FHIT: variants seen among roughly 807,000 people sequenced by gnomAD.
FHIT encodes the protein bis(5'-adenosyl)-triphosphatase.
Under a neutral mutation model 17.9 loss-of-function variants are expected in FHIT, and 19 were observed. The ratio of observed to expected loss-of-function variants is 1.06; its 90% confidence interval spans 0.74 to 1.56. The LOEUF is 1.56. Among genes scored for constraint, FHIT ranks in the 40% most tolerant of loss-of-function variants. The pLI is 0.00. For missense variants in FHIT, 248 were observed against 189.2 expected (o/e 1.31, Z -1.82); for synonymous variants, 81 against 69.7 (o/e 1.16, Z -0.81).
chr3:59,975,904 T>G (rs551501510), intron 7 of FHIT, among the ~76,000 whole-genome samples: 1 of 152,180 alleles, frequency 6.6e-6, no homozygotes, highest in East Asian at 1.9e-4. Context: ...TGGCTCCACT[T>G]CCTTTACCGT....
At chr3:60,175,862 C>T (rs144227010) in intron 5 of FHIT, among the ~76,000 whole-genome samples, 1 of 152,088 alleles carries the variant, frequency 6.6e-6, no homozygotes, top group East Asian at 1.9e-4. Flanking sequence ...TAGTACAACC[C>T]ATAGAAACCA....
At chr3:59,919,877 T>G (rs1705320095) in intron 8 of FHIT, among the ~76,000 whole-genome samples, 2 of 152,254 alleles carry the variant, frequency 1.3e-5, no homozygotes, top group African/African-American at 4.8e-5. Context: ...CATTAAGTTC[T>G]ATTCCAATAA....
chr3:60,442,062 G>A (rs1372761595), intron 5 of FHIT, among the ~76,000 whole-genome samples: 2 of 151,288 alleles, frequency 1.3e-5, no homozygotes, highest in African/African-American at 4.9e-5. Context: ...ATCTCACTGT[G>A]TTCCCTGTGA....
intron 5 of FHIT, among the ~76,000 whole-genome samples, chr3:60,335,617 C>A (rs940446223): frequency 3.3e-5 from 5 of 152,108 alleles, no homozygotes; most frequent in African/African-American, 1.2e-4. Context: ...ACAGGGTTAG[C>A]CCAAATCGGG....
At chr3:59,954,873 G>A (rs910699793) in intron 7 of FHIT, among the ~76,000 whole-genome samples, 3 of 152,168 alleles carry the variant, frequency 2.0e-5, no homozygotes, top group South Asian at 4.1e-4. Flanking sequence ...GAAATGAGAT[G>A]AGAACTCAGA....
At chr3:61,039,497 T>C (rs1330317885) in intron 3 of FHIT, among the ~76,000 whole-genome samples, 1 of 152,160 alleles carries the variant, frequency 6.6e-6, no homozygotes, top group African/African-American at 2.4e-5. Context: ...ATGTGGCACA[T>C]ATACACCATA....
intron 7 of FHIT, among the ~76,000 whole-genome samples, chr3:60,006,229 TTC>T (rs1357368700): frequency 6.6e-6 from 1 of 152,208 alleles, no homozygotes; most frequent in Non-Finnish European, 1.5e-5. Context: ...TTTCTGAATT[TTC>T]AAAGTGTCAT....
At chr3:61,143,541 A>G (rs1013031074) in intron 2 of FHIT, among the ~76,000 whole-genome samples, 5 of 152,144 alleles carry the variant, frequency 3.3e-5, no homozygotes, top group Non-Finnish European at 4.4e-5. Flanking sequence ...GTTATTTAGC[A>G]TTCAGATGTG....
intron 5 of FHIT, among the ~76,000 whole-genome samples, chr3:60,351,649 T>C (rs1388002993): frequency 1.3e-5 from 2 of 152,340 alleles, no homozygotes; most frequent in African/African-American, 4.8e-5. Context: ...ACCACCATGA[T>C]GTGGTGAGGA....
At chr3:60,111,765 CTT>C (rs1294131027) in intron 5 of FHIT, among the ~76,000 whole-genome samples, 1 of 152,182 alleles carries the variant, frequency 6.6e-6, no homozygotes, top group African/African-American at 2.4e-5. Flanking sequence ...TAGACTAGCT[CTT>C]GTCCTACCTC....
At chr3:60,021,323 T>C (rs1700546493) in intron 5 of FHIT, among the ~76,000 whole-genome samples, 1 of 152,156 alleles carries the variant, frequency 6.6e-6, no homozygotes, top group African/African-American at 2.4e-5. Context: ...ATCTGGATGC[T>C]CAAAAGTAAG....
intron 5 of FHIT, among the ~76,000 whole-genome samples, chr3:60,519,520 T>A (rs1372430413): frequency 6.6e-6 from 1 of 152,204 alleles, no homozygotes; most frequent in Non-Finnish European, 1.5e-5. Context: ...GCCTTACCAA[T>A]AAACACTTGA....
intron 3 of FHIT, among the ~76,000 whole-genome samples, chr3:60,855,735 G>A (rs1057512684): frequency 2.0e-5 from 3 of 152,032 alleles, no homozygotes; most frequent in Non-Finnish European, 4.4e-5. Context: ...ATTCATTGTC[G>A]TATCCCTGTG....
chr3:59,753,505 A>C (rs1463947380), intron 8 of FHIT, among the ~76,000 whole-genome samples: 1 of 152,136 alleles, frequency 6.6e-6, no homozygotes, highest in Non-Finnish European at 1.5e-5. Context: ...ATTCAATTTC[A>C]TTAACTAAAT....
At chr3:60,873,555 G>A (rs1217335932) in intron 3 of FHIT, among the ~76,000 whole-genome samples, 1 of 152,158 alleles carries the variant, frequency 6.6e-6, no homozygotes, top group African/African-American at 2.4e-5. Flanking sequence ...AGACTATTCA[G>A]AAGTACACAA....
intron 5 of FHIT, among the ~76,000 whole-genome samples, chr3:60,420,553 G>A (rs1384664016): frequency 2.6e-5 from 4 of 152,102 alleles, no homozygotes; most frequent in East Asian, 1.9e-4. Context: ...AGCATTGGAT[G>A]TCATATATTA....
intron 5 of FHIT, among the ~76,000 whole-genome samples, chr3:60,287,821 G>GC (rs56400842): frequency 1 from 152,309 of 152,310 alleles, 76,154 homozygotes; most frequent in Middle Eastern, 1. Context: ...ATCAGCACCA[G>GC]TGGGTTCCCA....
intron 5 of FHIT, among the ~76,000 whole-genome samples, chr3:60,406,026 T>A (rs1701843689): frequency 1.3e-5 from 2 of 152,200 alleles, no homozygotes; most frequent in South Asian, 4.1e-4. Context: ...AACTGCTCAA[T>A]TATTATTAGA....
chr3:59,855,081 C>G (rs183567289), intron 8 of FHIT, among the ~76,000 whole-genome samples: 123 of 152,312 alleles, frequency 8.1e-4, no homozygotes, highest in Non-Finnish European at 1.7e-3. Flanking sequence ...GTACTTGGAT[C>G]TATCATAACT....
Sources: gnomAD v4.1 joint callset for allele counts (sites outside exome capture counted in the v4.1 genomes callset) on GRCh38, gnomAD v4.1.1 for gene constraint, MANE v1.5 for transcripts, NCBI Gene and HGNC (gene_info 2026-07-23, HGNC 2026-07-21) for gene names.